Variants in TTC7B observed in about 807,000 individuals in gnomAD.
TTC7B encodes the protein tetratricopeptide repeat domain 7B.
Under a neutral mutation model 106.8 loss-of-function variants are expected in TTC7B, and 28 were observed. The observed-to-expected ratio is 0.26, with a 90% CI of 0.19 to 0.36. TTC7B has a LOEUF of 0.36. TTC7B is among the 10% of genes least tolerant of loss of function. TTC7B has a pLI of 1.00. For synonymous variants in TTC7B, 405 were observed against 430.6 expected, an observed-to-expected ratio of 0.94 and a Z score of 0.74; for missense variants, 862 against 1,076.4, an observed-to-expected ratio of 0.80 and a Z score of 2.79.
At chr14:90,585,428 A>G (rs1732101174) in intron 18 of TTC7B, among the ~76,000 whole-genome samples, 4 of 152,126 alleles carry the variant, frequency 2.6e-5, no homozygotes, top group Admixed American at 2.6e-4. Flanking sequence ...GTGGACCCCG[A>G]GCCTCTTCTG....
intron 5 of TTC7B, among the ~76,000 whole-genome samples, chr14:90,722,918 G>A (rs1888952505): frequency 6.6e-6 from 1 of 152,066 alleles, no homozygotes; most frequent in Admixed American, 6.5e-5. Context: ...AGGTCTTCAG[G>A]CCAAGTCCTG....
chr14:90,726,985 C>A (rs1889127992), intron 5 of TTC7B, among the ~76,000 whole-genome samples: 1 of 151,596 alleles, frequency 6.6e-6, no homozygotes, highest in African/African-American at 2.4e-5. Flanking sequence ...TTCTCTCCTG[C>A]CTCATAAGGA....
chr14:90,752,002 G>A (rs1040034555), intron 3 of TTC7B, among the ~76,000 whole-genome samples: 3 of 152,182 alleles, frequency 2.0e-5, no homozygotes, highest in Non-Finnish European at 4.4e-5. Flanking sequence ...ACTGCTGAGT[G>A]CACAGGGTGG....
chr14:90,602,899 T>C (rs925583977), intron 17 of TTC7B, among the ~76,000 whole-genome samples: 4 of 152,196 alleles, frequency 2.6e-5, no homozygotes, highest in African/African-American at 9.6e-5. Context: ...TACCTAAAAT[T>C]TACTGGCCAC....
chr14:90,606,354 C>T (rs756734476), intron 17 of TTC7B, among the ~76,000 whole-genome samples: 7 of 152,070 alleles, frequency 4.6e-5, no homozygotes, highest in Non-Finnish European at 7.4e-5. Flanking sequence ...CACATGGCAA[C>T]GGGGAGACCA....
At chr14:90,785,596 G>T (rs1178898693) in intron 2 of TTC7B, among the ~76,000 whole-genome samples, 2 of 152,122 alleles carry the variant, frequency 1.3e-5, no homozygotes, top group African/African-American at 2.4e-5. Flanking sequence ...CACGTGAGAG[G>T]GAATGGAAAC....
rs766743771 is a variant in TTC7B at position 90,657,124 on chromosome 14, C to T, written c.1341+50G>A. The T allele has an allele frequency of 1.3e-6, 2 of 1,518,222 alleles. No individual in the cohort carries two copies. The highest frequency in any genetic ancestry group is 3.4e-5 in the Admixed American group (2 of 58,546). 94.0% of individuals were successfully genotyped at this position (1,518,222 alleles called of 1,614,324 possible). The stretch of plus-strand genomic sequence containing the variant: ...CCTCGACATGAAAAAAATGGGCAGT[C>T]CTGGCCCAGAGTCCTCTGCAGGAGC... On this transcript the variant is annotated intron_variant, in intron 11 of 19. Transcript: ENST00000328459. This position sits in a 1 kb window ranked among gnomAD's most constrained non-coding sequence, Gnocchi z 4.2.
At chr14:90,815,218 G>T (rs1482517165) in intron 1 of TTC7B, among the ~76,000 whole-genome samples, 7 of 152,208 alleles carry the variant, frequency 4.6e-5, no homozygotes, top group Non-Finnish European at 1.0e-4. Context: ...CGGTGTGCTG[G>T]TGCCTGCGCT....
chr14:90,708,335 A>C (rs1888299287), intron 5 of TTC7B, among the ~76,000 whole-genome samples: 1 of 152,174 alleles, frequency 6.6e-6, no homozygotes, highest in Non-Finnish European at 1.5e-5. Flanking sequence ...TCGTAGCTAC[A>C]GAGAAGTCAA....
intron 19 of TTC7B, among the ~76,000 whole-genome samples, chr14:90,548,120 C>T (rs1284062154): frequency 1.3e-5 from 2 of 152,212 alleles, no homozygotes; most frequent in Admixed American, 6.5e-5. Context: ...GGCTGATGGG[C>T]AGGCTCCCCT....
chr14:90,570,562 C>T lies in TTC7B; in HGVS notation c.2310+7544G>A, dbSNP rs1332572034. ...ACAGGCAGCAAGTCACACTCAAAAG[C>T]GAAGCATCGTGCTCGCGGCCGACCA... On this transcript the variant is annotated intron_variant, in intron 19 of 19. Transcript: ENST00000328459. The surrounding 1 kb of genome is among the most constrained non-coding windows in gnomAD (Gnocchi z 4.0). Among the ~76,000 whole-genome samples the T allele has an allele frequency of 1.3e-5, 2 of 152,168 alleles. No individual in the cohort carries two copies. The highest frequency in any genetic ancestry group is 2.9e-5 in the Non-Finnish European group (2 of 68,028).
chr14:90,726,356 C>A (rs1889102212), intron 5 of TTC7B, among the ~76,000 whole-genome samples: 1 of 152,186 alleles, frequency 6.6e-6, no homozygotes, highest in Admixed American at 6.5e-5. Flanking sequence ...CATGGTTATG[C>A]ACCTTGAGCA....
chr14:90,624,188 A>G lies in TTC7B; in HGVS notation c.1752-6143T>C, dbSNP rs564239613. Among the ~76,000 whole-genome samples the G allele has an allele frequency of 6.6e-6, 1 of 152,314 alleles. No homozygotes were observed. Among genetic ancestry groups the G allele is most frequent in the African/African-American group, 2.4e-5 (1 of 41,576 alleles). On this transcript the variant is annotated intron_variant, in intron 15 of 19. Coordinates refer to ENST00000328459, the MANE Select transcript of TTC7B (RefSeq NM_001010854.2). The surrounding 1 kb of genome is among the most constrained non-coding windows in gnomAD (Gnocchi z 4.0). Reference sequence around the variant, plus strand: ...CACATAAAATCTGGTTTTTTGAAGGACCTCGTTAATCAAAGTTTTACTTTT... The same window carrying G: ...CACATAAAATCTGGTTTTTTGAAGGGCCTCGTTAATCAAAGTTTTACTTTT...
intron 18 of TTC7B, among the ~76,000 whole-genome samples, chr14:90,589,098 T>C (rs1352701536): frequency 6.6e-6 from 1 of 152,196 alleles, no homozygotes; most frequent in East Asian, 1.9e-4. Flanking sequence ...GAATTCATTG[T>C]GTTGGCAAGG....
chr14:90,690,887 T>C lies in TTC7B; in HGVS notation c.778-1175A>G, dbSNP rs569512638. Among the ~76,000 whole-genome samples the C allele has an allele frequency of 3.0e-3, 463 of 152,336 alleles. 1 individual carries two copies. The highest frequency in any genetic ancestry group is 5.6e-3 in the Non-Finnish European group (382 of 68,014). ...AAATCACTAACAGAGTGGTTTCTGA[T>C]AACCACTGGGTAAAGGCAAATTTTC... On this transcript the variant is annotated intron_variant, in intron 6 of 19. Transcript: ENST00000328459.
At chr14:90,610,253 G>A (rs1428820382) in intron 17 of TTC7B, among the ~76,000 whole-genome samples, 4 of 152,232 alleles carry the variant, frequency 2.6e-5, no homozygotes, top group African/African-American at 4.8e-5. Context: ...CACACACGAC[G>A]AGGTGTGCAG....
intron 4 of TTC7B, 34 bp from the exon 5 acceptor site, chr14:90,730,230 T>C (rs543349382): frequency 1.9e-6 from 3 of 1,586,396 alleles, no homozygotes; most frequent in East Asian, 4.5e-5. Flanking sequence ...ACTAATCAGA[T>C]GCACATCCAA....
chr14:90,811,116 A>G (rs1340619615), intron 1 of TTC7B, among the ~76,000 whole-genome samples: 1 of 152,224 alleles, frequency 6.6e-6, no homozygotes, highest in Non-Finnish European at 1.5e-5. Flanking sequence ...CACGAGCCCC[A>G]ATCCCAGCTC....
intron 9 of TTC7B, among the ~76,000 whole-genome samples, chr14:90,666,802 G>C (rs1359075959): frequency 6.6e-6 from 1 of 152,214 alleles, no homozygotes; most frequent in African/African-American, 2.4e-5. Context: ...TGGCCACAGT[G>C]AGAGGAGTAG....
Sources: allele counts gnomAD v4.1 joint callset (sites outside exome capture counted in the v4.1 genomes callset), GRCh38; gene constraint gnomAD v4.1.1; non-coding constraint Gnocchi (gnomAD v3.1); transcripts MANE v1.5; gene names NCBI Gene and HGNC (gene_info 2026-07-23, HGNC 2026-07-21).